The following PEAK1 variants were observed in gnomAD, a reference collection of about 807,000 sequenced individuals.
PEAK1 encodes pseudopodium enriched atypical kinase 1, also known as inactive tyrosine-protein kinase PEAK1.
PEAK1 carries 54 observed loss-of-function variants against 124.7 expected under a neutral mutation model. The ratio of observed to expected loss-of-function variants is 0.43; its 90% CI spans 0.35 to 0.54. PEAK1 has a LOEUF of 0.54. PEAK1 is among the 20% of genes least tolerant of loss of function. The pLI, the probability that PEAK1 is intolerant of heterozygous loss-of-function variation, is 0.01. For synonymous variants in PEAK1, 719 were observed against 760.0 expected (o/e 0.95, Z 0.89); for missense variants, 2,046 against 2,134.5 (o/e 0.96, Z 0.82).
intron 2 of PEAK1, among the ~76,000 whole-genome samples, chr15:77,359,429 G>A (rs1447183611): frequency 6.7e-6 from 1 of 148,156 alleles, no homozygotes; most frequent in African/African-American, 2.5e-5. Flanking sequence ...AACAGAGTAA[G>A]ACCTTGTCTC....
intron 7 of PEAK1, among the ~76,000 whole-genome samples, chr15:77,176,207 C>G (rs908967599): frequency 7.1e-6 from 1 of 140,640 alleles, no homozygotes; most frequent in Admixed American, 7.7e-5. Flanking sequence ...ACATATGTAA[C>G]TAACCTGCAC....
chr15:77,209,159 G>A (rs1267484304), intron 6 of PEAK1, among the ~76,000 whole-genome samples: 2 of 152,114 alleles, frequency 1.3e-5, no homozygotes, highest in African/African-American at 4.8e-5. Context: ...TCTAGTCTAA[G>A]ATAACCCTTT....
intron 2 of PEAK1, among the ~76,000 whole-genome samples, chr15:77,315,117 C>G (rs1399516694): frequency 6.6e-6 from 1 of 152,142 alleles, no homozygotes; most frequent in African/African-American, 2.4e-5. Flanking sequence ...AAAATTTGTA[C>G]TAATAGCAAG....
Position 77,114,819 on chromosome 15 carries a change from G to T in PEAK1, c.4578C>A (p.His1526Gln). 6.2e-7 allele frequency: 1 copy of T among 1,613,500 alleles called. No homozygotes were observed. The change falls in exon 10 of 10, where the codon CAC becomes CAA. Residue 1526 changes from histidine (H) to glutamine (Q), a missense_variant. His to Gln is a conservative substitution (Grantham distance 24). Coordinates refer to ENST00000682557, the MANE Select transcript of PEAK1 (RefSeq NM_001385026.1). ...CTTGGGCAGTCCCCCCAGGCTGGTAGTGGACAAGTAGCAGGTTCTCTAGGC... is the reference window on the plus strand; with the variant it reads ...CTTGGGCAGTCCCCCCAGGCTGGTATTGGACAAGTAGCAGGTTCTCTAGGC... ...DLRLENLLLV[H>Q]YQPGGTAQGF...
chr15:77,417,300 A>G (rs1487952800), intron 1 of PEAK1: 3 of 956,292 alleles, frequency 3.1e-6, no homozygotes, highest in Non-Finnish European at 3.7e-6. Context: ...GTACTCAAAC[A>G]TTTGTCAAAC....
At chr15:77,131,851 G>A (rs913161307) in intron 9 of PEAK1, among the ~76,000 whole-genome samples, 7 of 152,044 alleles carry the variant, frequency 4.6e-5, no homozygotes, top group Non-Finnish European at 8.8e-5. Context: ...GCCAAGGTGG[G>A]AGGATCACTG....
Position 77,355,987 on chromosome 15 carries a change from C to T in PEAK1, c.-603+9176G>A, listed in dbSNP as rs577189044. ...TCCAGCAAAGCTGTGGGATAACAAA[C>T]GAGAAAAAGAACTACTAAAGTTCTA... On this transcript the variant is annotated intron_variant, in intron 2 of 9. Transcript: ENST00000682557. 7 of 954,336 alleles carry T rather than the reference C, an allele frequency of 7.3e-6. No homozygotes were observed. In the South Asian group the frequency reaches 2.4e-4, roughly 33 times the overall value. 59.1% of individuals were successfully genotyped at this position (954,336 alleles called of 1,614,324 possible).
chr15:77,218,732 A>AC (rs1284957962), intron 6 of PEAK1, among the ~76,000 whole-genome samples: 9 of 152,082 alleles, frequency 5.9e-5, no homozygotes, highest in Non-Finnish European at 5.9e-5. Flanking sequence ...AATGGCACAC[A>AC]CCACTGCACT....
At chr15:77,244,156 T>C (rs553641828) in intron 6 of PEAK1, among the ~76,000 whole-genome samples, 4 of 152,288 alleles carry the variant, frequency 2.6e-5, no homozygotes, top group African/African-American at 7.2e-5. Flanking sequence ...ATAGAGACTG[T>C]ATAGAATGGC....
intron 7 of PEAK1, 23 bp from the exon 8 acceptor site, chr15:77,158,719 T>A: frequency 6.2e-7 from 1 of 1,606,270 alleles, no homozygotes; most frequent in Non-Finnish European, 8.5e-7. Flanking sequence ...AGACCACTTG[T>A]CACACTGGTA....
chr15:77,419,725 C>T (rs2073215834), intron 1 of PEAK1: 1 of 947,126 alleles, frequency 1.1e-6, no homozygotes. Context: ...GTCGCGCTCC[C>T]GGGGCCGCCG....
chr15:77,236,895 C>T (rs1328390073), intron 6 of PEAK1, among the ~76,000 whole-genome samples: 1 of 152,122 alleles, frequency 6.6e-6, no homozygotes, highest in East Asian at 1.9e-4. Flanking sequence ...TTTCACTTGG[C>T]ACTTTTCCTT....
chr15:77,337,311 G>A (rs2066263460), intron 2 of PEAK1: 14 of 983,588 alleles, frequency 1.4e-5, no homozygotes, highest in South Asian at 4.7e-5. Context: ...AAAGGTGCCA[G>A]GAATGGTATT....
chr15:77,225,703 T>C (rs191921399), intron 6 of PEAK1, among the ~76,000 whole-genome samples: 1,533 of 130,804 alleles, frequency 0.012, 41 homozygotes, highest in African/African-American at 0.04. Context: ...TATATGACAA[T>C]TCTAGAAAGA....
At chr15:77,322,231 G>C in intron 2 of PEAK1, among the ~76,000 whole-genome samples, 1 of 152,188 alleles carries the variant, frequency 6.6e-6, no homozygotes, top group Middle Eastern at 3.4e-3. Context: ...AGAGAAGCAA[G>C]AGCAAACACA....
intron 1 of PEAK1, chr15:77,418,928 A>G: frequency 7.1e-6 from 7 of 985,450 alleles, no homozygotes; most frequent in South Asian, 4.7e-5. Flanking sequence ...GTTCACGTAC[A>G]TCATCCAATG....
intron 8 of PEAK1, among the ~76,000 whole-genome samples, chr15:77,148,527 G>T (rs1213882186): frequency 6.6e-6 from 1 of 152,088 alleles, no homozygotes. Context: ...CAATATTTTA[G>T]ATTTACATTT....
chr15:77,348,747 A>G, intron 2 of PEAK1: 1 of 984,234 alleles, frequency 1.0e-6, no homozygotes, highest in Non-Finnish European at 1.2e-6. Context: ...TTAGTTATAG[A>G]ACTGTGACTA....
chr15:77,312,176 G>C (rs2064512636), intron 2 of PEAK1, among the ~76,000 whole-genome samples: 1 of 152,102 alleles, frequency 6.6e-6, no homozygotes, highest in South Asian at 2.1e-4. Context: ...TCTGAAACTA[G>C]GTAAATAGTG....
Sources: gnomAD v4.1 joint callset for allele counts (sites outside exome capture counted in the v4.1 genomes callset) on GRCh38, gnomAD v4.1.1 for gene constraint, MANE v1.5 for transcripts, NCBI Gene and HGNC (gene_info 2026-07-23, HGNC 2026-07-21) for gene names.